The following RANBP2 variants were observed in gnomAD, a reference collection of about 807,000 sequenced individuals.
The protein encoded by RANBP2 is RAN binding protein 2.
Under a neutral mutation model 303.6 loss-of-function variants are expected in RANBP2, and 57 were observed. The ratio of observed to expected loss-of-function variants is 0.19; its 90% CI spans 0.15 to 0.23. The LOEUF (loss-of-function observed/expected upper bound fraction) is 0.23. Ranked by LOEUF, RANBP2 falls within the 10% of genes least tolerant of loss-of-function variation. The pLI, the probability that RANBP2 is intolerant of heterozygous loss-of-function variation, is 1.00. For missense variants in RANBP2, 3,138 were observed against 3,780.8 expected, an observed-to-expected ratio of 0.83 and a Z score of 4.46; for synonymous variants, 1,167 against 1,301.5, an observed-to-expected ratio of 0.90 and a Z score of 2.23.
chr2:109,532,560 C>T, the RANBP2 span, among the ~76,000 whole-genome samples: 1 of 150,874 alleles, frequency 6.6e-6, no homozygotes, highest in Admixed American at 6.6e-5. Context: ...GGGCCCTGAC[C>T]CCGGTGAGGG....
chr2:109,609,221 ATAATT>A, the RANBP2 span, among the ~76,000 whole-genome samples: 1 of 152,214 alleles, frequency 6.6e-6, no homozygotes, highest in Non-Finnish European at 1.5e-5. Context: ...GCAAGCATTT[ATAATT>A]TATTCATTTA....
At chr2:109,228,444 A>T in the RANBP2 span, among the ~76,000 whole-genome samples, 1 of 152,222 alleles carries the variant, frequency 6.6e-6, no homozygotes, top group Non-Finnish European at 1.5e-5. Flanking sequence ...TTCTGATACC[A>T]GATGTGTGTG....
chr2:109,149,388 T>C, the RANBP2 span, among the ~76,000 whole-genome samples: 1 of 152,230 alleles, frequency 6.6e-6, no homozygotes, highest in South Asian at 2.1e-4. Flanking sequence ...TCGTTATTAA[T>C]AACGTAGCTA....
the RANBP2 span, among the ~76,000 whole-genome samples, chr2:109,015,971 G>C: frequency 1.3e-5 from 2 of 152,216 alleles, no homozygotes; most frequent in African/African-American, 4.8e-5. Context: ...TCAAGGGTCA[G>C]TGGATATATG....
chr2:109,291,830 A>G, the RANBP2 span, among the ~76,000 whole-genome samples: 1 of 152,208 alleles, frequency 6.6e-6, no homozygotes, highest in Admixed American at 6.5e-5. Context: ...AAACTGAGCC[A>G]TATTTCATGC....
the RANBP2 span, among the ~76,000 whole-genome samples, chr2:108,983,771 T>A: frequency 1.3e-5 from 2 of 151,976 alleles, no homozygotes; most frequent in Non-Finnish European, 2.9e-5. Flanking sequence ...CCATATGGAG[T>A]CAACAGGAAC....
chr2:108,831,591 G>C, the RANBP2 span, among the ~76,000 whole-genome samples: 5 of 152,146 alleles, frequency 3.3e-5, no homozygotes, highest in African/African-American at 1.2e-4. Context: ...AGAGAAACTT[G>C]ACTTTCCAAT....
At chr2:109,129,268 G>T in the RANBP2 span, 1 of 608,550 alleles carries the variant, frequency 1.6e-6, no homozygotes, top group Non-Finnish European at 2.9e-6. Flanking sequence ...CGGACTTGCG[G>T]CGGGACAGGT....
At chr2:109,251,581 CAG>C in the RANBP2 span, 1 of 908,416 alleles carries the variant, frequency 1.1e-6, no homozygotes, top group Non-Finnish European at 1.9e-6. Flanking sequence ...TGGTGGGCAA[CAG>C]AACAATATTG....
At chr2:109,304,781 G>T in the RANBP2 span, among the ~76,000 whole-genome samples, 4 of 152,190 alleles carry the variant, frequency 2.6e-5, no homozygotes. Context: ...GCAGGGACCC[G>T]GCTCAGCCCT....
At chr2:108,948,573 G>A in the RANBP2 span, among the ~76,000 whole-genome samples, 1,536 of 152,290 alleles carry the variant, frequency 0.01, 23 homozygotes, top group African/African-American at 0.035. Context: ...CACAGTCATC[G>A]CAGAAGGCAA....
chr2:109,639,966 C>T, the RANBP2 span, among the ~76,000 whole-genome samples: 2 of 151,982 alleles, frequency 1.3e-5, no homozygotes, highest in African/African-American at 2.4e-5. Context: ...CCACCTCGGC[C>T]TCCCAAAGTG....
rs769492789 is a variant in RANBP2, at chr2:108,772,500, G to T, written c.8032G>T (p.Glu2678Ter). 1.9e-6 allele frequency: 3 copies of T among 1,612,942 alleles called. No individual in the cohort carries two copies. The highest frequency in any genetic ancestry group is 2.5e-6 in the Non-Finnish European group (3 of 1,179,408). The change falls in exon 22 of 29, where the codon GAA (glutamate) becomes TAA (stop). Residue 2678 changes from glutamate to a stop codon, truncating the protein, a stop_gained. Transcript: ENST00000283195. LOFTEE classifies it high-confidence loss of function. ...SEEEEDDEDF[E>*]TAVKKLNGKL... is the part of the protein sequence containing the mutation. ...AATTGTATTTTAAGATGAAGATTTC[G>T]AAACAGCTGTCAAGAAACTTAATGG...
At chr2:109,477,745 C>T in the RANBP2 span, among the ~76,000 whole-genome samples, 1 of 152,086 alleles carries the variant, frequency 6.6e-6, no homozygotes, top group Non-Finnish European at 1.5e-5. Flanking sequence ...GGACTGGCTT[C>T]CTGGTTCATA....
At chr2:108,815,171 C>T in the RANBP2 span, among the ~76,000 whole-genome samples, 2 of 151,960 alleles carry the variant, frequency 1.3e-5, no homozygotes, top group African/African-American at 4.8e-5. Context: ...ACTGGAAAGA[C>T]AAAGTAACAA....
the RANBP2 span, among the ~76,000 whole-genome samples, chr2:108,836,362 T>C: frequency 2.0e-5 from 3 of 152,352 alleles, no homozygotes; most frequent in East Asian, 5.8e-4. Flanking sequence ...GGTGGAACAA[T>C]ATTTGTTTAT....
chr2:108,725,893 C>G (rs1188200015), intron 1 of RANBP2, among the ~76,000 whole-genome samples: 15 of 152,052 alleles, frequency 9.9e-5, no homozygotes, highest in African/African-American at 1.7e-4. Flanking sequence ...CATTGAGCAA[C>G]GTTTTGTAAT....
At chr2:109,248,801 CTCTT>C in the RANBP2 span, among the ~76,000 whole-genome samples, 11 of 150,636 alleles carry the variant, frequency 7.3e-5, no homozygotes, top group African/African-American at 2.5e-4. Context: ...CTTTCTGTCT[CTCTT>C]TCTCTTTCGT....
At chr2:109,434,733 A>G in the RANBP2 span, among the ~76,000 whole-genome samples, 2 of 152,200 alleles carry the variant, frequency 1.3e-5, no homozygotes, top group South Asian at 2.1e-4. Flanking sequence ...GGCAAGTTCT[A>G]CAGGCATTCA....
Sources: allele counts gnomAD v4.1 joint callset (sites outside exome capture counted in the v4.1 genomes callset), GRCh38; gene constraint gnomAD v4.1.1; transcripts MANE v1.5; gene names NCBI Gene and HGNC (gene_info 2026-07-23, HGNC 2026-07-21).